The following PRAG1 variants were observed in gnomAD, a reference collection of about 807,000 sequenced individuals.
PRAG1 encodes inactive tyrosine-protein kinase PRAG1.
Under a neutral mutation model 95.6 loss-of-function variants are expected in PRAG1, and 110 were observed. The observed-to-expected ratio is 1.15, with a 90% CI of 0.99 to 1.35. The LOEUF (loss-of-function observed/expected upper bound fraction) is 1.35, where lower values mean the gene tolerates loss of function less well. Among genes scored for constraint, PRAG1 ranks in the 40% most tolerant of loss-of-function variants. The probability of loss-of-function intolerance (pLI) is 0.00; values close to 1 mark genes in which losing one functional copy is unlikely to be tolerated. For missense variants in PRAG1, 2,554 were observed against 1,864.7 expected (o/e 1.37, Z -6.81); for synonymous variants, 1,052 against 819.4 (o/e 1.28, Z -4.85).
chr8:8,325,768 G>T (rs909290978), intron 5 of PRAG1, among the ~76,000 whole-genome samples: 4 of 151,884 alleles, frequency 2.6e-5, no homozygotes, highest in Admixed American at 6.6e-5. Flanking sequence ...AATTAGCCAG[G>T]CGTGGTGAGG....
intron 1 of PRAG1, among the ~76,000 whole-genome samples, chr8:8,382,911 C>G (rs1052170781): frequency 2.6e-5 from 4 of 152,168 alleles, no homozygotes; most frequent in Admixed American, 2.0e-4. Context: ...GGCGGCTCCT[C>G]CCTGCAGTGG....
chr8:8,361,278 C>G (rs574185427), intron 3 of PRAG1, among the ~76,000 whole-genome samples: 1 of 152,136 alleles, frequency 6.6e-6, no homozygotes, highest in Admixed American at 6.5e-5. Flanking sequence ...CTATCTCCTG[C>G]TGAAGTCCTT....
rs141116134 is a variant in PRAG1, at chr8:8,381,879, G to A, written c.-87-45C>T. 14 of 653,952 alleles carry A rather than the reference G, an allele frequency of 2.1e-5. No individual in the cohort carries two copies. The East Asian group carries it at 3.9e-4, about 18-fold the overall frequency. The allele number at this position is 653,952 out of a possible 1,614,324, so 40.5% of individuals were successfully genotyped here. A position where few individuals can be genotyped will look rare whatever the true frequency, so the allele number is the denominator to read the frequency against. On this transcript the variant is annotated intron_variant, in intron 1 of 5. Coordinates refer to ENST00000615670, the MANE Select transcript of PRAG1 (RefSeq NM_001080826.3). ...TCCTGATTAGAGATTTGCCATGCCA[G>A]ACAATGGGTGCATTATCAATTAGAG...
chr8:8,330,541 T>C (rs1483894488), intron 4 of PRAG1, among the ~76,000 whole-genome samples: 1 of 152,194 alleles, frequency 6.6e-6, no homozygotes, highest in Non-Finnish European at 1.5e-5. Flanking sequence ...GAGTGATTTA[T>C]ACCCCTTCCA....
intron 3 of PRAG1, among the ~76,000 whole-genome samples, chr8:8,354,758 T>C (rs569863736): frequency 1.3e-5 from 2 of 152,206 alleles, no homozygotes; most frequent in African/African-American, 4.8e-5. Context: ...AGCTTGGGTA[T>C]AAAAGAAAAG....
In PRAG1 at chr8:8,328,262, G is replaced by C. The variant is rs200340792; in HGVS notation, c.2520C>G (p.Pro840=). 3.1e-6 allele frequency: 5 copies of C among 1,614,154 alleles called. No individual in the cohort carries two copies. The highest frequency in any genetic ancestry group is 3.4e-6 in the Non-Finnish European group (4 of 1,180,022). ...GGTTCAGCTTGGGGCTTGCTGTTCC[G>C]GGCTTGGGGGAGCCTTGGGTCCAGA... The part of the protein sequence containing the change: ...GFFWTQGSPK[P]GTASPKLNLS... The change falls in exon 5 of 6, where the codon CCC becomes CCG. Residue 840 remains proline, a synonymous_variant. Transcript: ENST00000615670.
rs1315678074 is a variant in PRAG1 at position 8,377,384 on chromosome 8, G to C, written c.1025C>G (p.Ser342Cys). 1 of 1,590,388 alleles carries C rather than the reference G, an allele frequency of 6.3e-7. No homozygotes were observed. The highest frequency in any genetic ancestry group is 8.6e-7 in the Non-Finnish European group (1 of 1,169,100). The change falls in exon 3 of 6, where the codon TCT (serine) becomes TGT (cysteine). Residue 342 changes from serine to cysteine, a missense_variant. By Grantham distance (112) the Ser-to-Cys change is moderately radical. Coordinates refer to ENST00000615670, the MANE Select transcript of PRAG1 (RefSeq NM_001080826.3). Reference sequence around the variant, plus strand: ...GCCGCTGCCGCTGCCGCTGCCACAAGAGAGGCCGTCGGAAGAAATGGCAGC... The same window carrying C: ...GCCGCTGCCGCTGCCGCTGCCACAACAGAGGCCGTCGGAAGAAATGGCAGC... ...SEAAISSDGL[S>C]CGSGSGSGSG... is the part of the protein sequence containing the mutation.
At position 8,328,089 on chromosome 8, in the gene PRAG1, A is replaced by T. The variant is rs1356759755; in HGVS notation, c.2693T>A (p.Leu898Gln). 6.2e-7 allele frequency: 1 copy of T among 1,610,262 alleles called. No homozygotes were observed. Among genetic ancestry groups the T allele is most frequent in the Admixed American group, 1.7e-5 (1 of 59,884 alleles). ...GSGHWLPAAG[L>Q]AGNRGGCGSP... ...CCCGCAGCCGCCTCTGTTGCCCGCC[A>T]GCCCTGCTGCCGGAAGCCAGTGGCC... The change falls in exon 5 of 6, where the codon CTG (leucine) becomes CAG (glutamine). Residue 898 changes from leucine (L) to glutamine (Q), a missense_variant. Physicochemically the swap from Leu to Gln is moderately radical, Grantham distance 113. Coordinates refer to ENST00000615670, the MANE Select transcript of PRAG1 (RefSeq NM_001080826.3).
At chr8:8,382,488 C>T (rs957348612) in intron 1 of PRAG1, among the ~76,000 whole-genome samples, 1 of 152,074 alleles carries the variant, frequency 6.6e-6, no homozygotes, top group African/African-American at 2.4e-5. Flanking sequence ...CATTACTTGA[C>T]CGTGTGCTGC....
chr8:8,353,767 A>G lies in PRAG1; in HGVS notation c.2163-14132T>C, dbSNP rs146495205. On this transcript the variant is annotated intron_variant, in intron 3 of 5. Transcript: ENST00000615670. The stretch of plus-strand genomic sequence containing the variant: ...GTCTGCGGTAAGCTATGATTGATCC[A>G]CTGCACTCTAGCCTGAGTGACAGAG... Among the ~76,000 whole-genome samples the G allele has an allele frequency of 4.7e-4, 71 of 152,220 alleles. No individual in the cohort carries two copies. The East Asian group carries it at 0.012, about 26-fold the overall frequency.
At chr8:8,375,214 T>C (rs1800344951) in intron 3 of PRAG1, among the ~76,000 whole-genome samples, 2 of 151,644 alleles carry the variant, frequency 1.3e-5, no homozygotes, top group African/African-American at 4.8e-5. Context: ...GTTTTTTTTT[T>C]TGTTTTTTTG....
chr8:8,331,839 A>T (rs1798828959), intron 4 of PRAG1, among the ~76,000 whole-genome samples: 2 of 152,208 alleles, frequency 1.3e-5, no homozygotes, highest in South Asian at 4.1e-4. Flanking sequence ...CTTTGATCAG[A>T]TCTACACCGT....
At chr8:8,348,210 C>A (rs1030779503) in intron 3 of PRAG1, among the ~76,000 whole-genome samples, 1 of 152,242 alleles carries the variant, frequency 6.6e-6, no homozygotes, top group South Asian at 2.1e-4. Context: ...AGCCACCACA[C>A]CCAGCAATTC....
At chr8:8,371,089 T>C (rs1413612595) in intron 3 of PRAG1, among the ~76,000 whole-genome samples, 2 of 133,140 alleles carry the variant, frequency 1.5e-5, no homozygotes, top group Non-Finnish European at 3.1e-5. Context: ...TAAGGCAAGG[T>C]ACCACCACTG....
rs747305126 is a variant in PRAG1, at chr8:8,376,445, C to T, written c.1964G>A (p.Gly655Glu). ...CGTGGGGCCATTTTTGGTCTCTCTT[C>T]CCCAGCTGTGACTCAGCAATTCCTG... ...VEQELLSHSW[G>E]RETKNGPTDH... is the part of the protein sequence containing the mutation. Residue 655 changes from glycine to glutamate, a missense_variant, in exon 3 of 6, where the codon GGA (glycine) becomes GAA (glutamate). Transcript: ENST00000615670. The T allele has an allele frequency of 1.9e-6, 3 of 1,614,160 alleles. No individual in the cohort carries two copies. Among genetic ancestry groups the T allele is most frequent in the Non-Finnish European group, 2.5e-6 (3 of 1,180,012 alleles).
chr8:8,385,943 T>C (rs1800833379), intron 1 of PRAG1, among the ~76,000 whole-genome samples: 2 of 151,896 alleles, frequency 1.3e-5, no homozygotes, highest in Non-Finnish European at 2.9e-5. Flanking sequence ...CCCTTGACAA[T>C]ACTCTAGCGG....
intron 3 of PRAG1, among the ~76,000 whole-genome samples, chr8:8,363,339 C>T (rs912106030): frequency 1.3e-5 from 2 of 152,040 alleles, no homozygotes; most frequent in South Asian, 2.1e-4. Flanking sequence ...ATATGTATTT[C>T]ACAATAGTAC....
intron 3 of PRAG1, among the ~76,000 whole-genome samples, chr8:8,340,285 C>T (rs1032219868): frequency 6.6e-6 from 1 of 152,210 alleles, no homozygotes; most frequent in African/African-American, 2.4e-5. Context: ...CTCTAAATAG[C>T]ATCACCAACA....
rs1471030355 is a variant in PRAG1, at chr8:8,339,404, C to T, written c.2320+74G>A. 4.0e-6 allele frequency: 6 copies of T among 1,509,680 alleles called. No homozygotes were observed. In the Admixed American group the frequency reaches 9.0e-5, roughly 23 times the overall value. The allele number at this position is 1,509,680 out of a possible 1,614,324, so 93.5% of individuals were successfully genotyped here. On this transcript the variant is annotated intron_variant, in intron 4 of 5. Coordinates refer to ENST00000615670, the MANE Select transcript of PRAG1 (RefSeq NM_001080826.3). The stretch of plus-strand genomic sequence containing the variant: ...GTAGTCCTTGCTCAGCCCTTCCAAT[C>T]CCGCAAGCAACGCAGGACTGGTCTT...
Sources: allele counts gnomAD v4.1 joint callset (sites outside exome capture counted in the v4.1 genomes callset), GRCh38; gene constraint gnomAD v4.1.1; transcripts MANE v1.5; gene names NCBI Gene and HGNC (gene_info 2026-07-23, HGNC 2026-07-21).